The following ADSL variants were observed in gnomAD, a reference collection of about 807,000 sequenced individuals.
ADSL encodes adenylosuccinase.
A neutral mutation model predicts 62.1 loss-of-function variants in ADSL; 44 were observed. That is an observed-to-expected ratio of 0.71 (90% confidence interval 0.56 to 0.91). ADSL has a LOEUF of 0.91. Among genes scored for constraint, ADSL ranks in the 40% least tolerant of loss-of-function variants. The pLI is 0.00. For missense variants in ADSL, 531 were observed against 627.4 expected, an observed-to-expected ratio of 0.85 and a Z score of 1.64; for synonymous variants, 198 against 220.5, an observed-to-expected ratio of 0.90 and a Z score of 0.90.
At chr22:40,374,735 C>T (rs2046266528) in intron 2 of ADSL, among the ~76,000 whole-genome samples, 1 of 152,186 alleles carries the variant, frequency 6.6e-6, no homozygotes, top group Non-Finnish European at 1.5e-5. Context: ...CATAAAATTG[C>T]CAGTCATGGT....
chr22:40,352,910 A>G (rs2146633718), intron 2 of ADSL, among the ~76,000 whole-genome samples, 163 bp from the exon 3 acceptor site: 1 of 152,360 alleles, frequency 6.6e-6, no homozygotes, highest in South Asian at 2.1e-4. Flanking sequence ...AGTAATCAGG[A>G]AAGAACAACT....
intron 11 of ADSL, 59 bp from the exon 12 acceptor site, chr22:40,364,821 T>C (rs8142978): frequency 6.3e-7 from 1 of 1,574,958 alleles, no homozygotes; most frequent in Middle Eastern, 1.7e-4. Context: ...TGATGACTTT[T>C]TAAAAGTGTT....
At chr22:40,375,317 C>A (rs542601016) in intron 2 of ADSL, among the ~76,000 whole-genome samples, 1 of 152,202 alleles carries the variant, frequency 6.6e-6, no homozygotes, top group South Asian at 2.1e-4. Flanking sequence ...TGGTGGCTCA[C>A]GCCTGTAATC....
chr22:40,364,377 C>A lies in ADSL; in HGVS notation c.1191+12C>A. The A allele has an allele frequency of 6.2e-7, 1 of 1,611,806 alleles. No individual in the cohort carries two copies. The highest frequency in any genetic ancestry group is 8.5e-7 in the Non-Finnish European group (1 of 1,178,284). ...GAGGTAGCCGCCAGGTTTGTAACCC[C>A]TCATGTTCCTGGATAAGTTGAGAGT... On this transcript the variant is annotated intron_variant, in intron 11 of 12. Transcript: ENST00000623063.
chr22:40,371,033 G>A (rs1247480513), downstream of ADSL, among the ~76,000 whole-genome samples: 5 of 152,258 alleles, frequency 3.3e-5, no homozygotes, highest in Admixed American at 6.5e-5. Context: ...TGAGGCGGGG[G>A]GCTTTCTAAA....
At chr22:40,382,999 A>C (rs1334921026) in intron 2 of ADSL, among the ~76,000 whole-genome samples, 1 of 152,224 alleles carries the variant, frequency 6.6e-6, no homozygotes, top group Non-Finnish European at 1.5e-5. Context: ...ATACTATGGA[A>C]GGTTTATTTG....
chr22:40,346,833 G>T, intron 1 of ADSL, 122 bp downstream of exon 1: 1 of 1,082,610 alleles, frequency 9.2e-7, no homozygotes, highest in East Asian at 2.6e-5. Context: ...TTTCAGCTGG[G>T]TGTTCCCTGT....
chr22:40,386,999 A>C (rs2048572696), intron 2 of ADSL, among the ~76,000 whole-genome samples: 1 of 152,154 alleles, frequency 6.6e-6, no homozygotes, highest in Non-Finnish European at 1.5e-5. Flanking sequence ...ATGTCATCCC[A>C]AGTCAAGATA....
At chr22:40,365,503 G>C (rs1332405682) in intron 12 of ADSL, among the ~76,000 whole-genome samples, 1 of 152,190 alleles carries the variant, frequency 6.6e-6, no homozygotes, top group East Asian at 1.9e-4. Flanking sequence ...GTGTTGTAAT[G>C]ATTGAAATGC....
At chr22:40,358,287 T>A (rs970905980) in intron 4 of ADSL, among the ~76,000 whole-genome samples, 4 of 152,178 alleles carry the variant, frequency 2.6e-5, no homozygotes, top group African/African-American at 9.6e-5. Flanking sequence ...GCCCTTATAA[T>A]AAATTGTCTC....
At chr22:40,373,463 T>C (rs1304591818), downstream of ADSL, 1 of 152,212 alleles carries the variant, frequency 6.6e-6, no homozygotes, top group Admixed American at 6.5e-5. Context: ...CTCTCAACGA[T>C]TTATTGAATA....
chr22:40,372,488 T>C (rs1286448014), downstream of ADSL, among the ~76,000 whole-genome samples: 3 of 152,184 alleles, frequency 2.0e-5, no homozygotes, highest in African/African-American at 7.2e-5. Context: ...AGGTGTCTAT[T>C]GATCAGATAT....
downstream of ADSL, among the ~76,000 whole-genome samples, chr22:40,374,099 C>A (rs1186932918): frequency 1.3e-5 from 2 of 152,020 alleles, no homozygotes; most frequent in African/African-American, 4.8e-5. Context: ...ACTACAGGCG[C>A]CTGCCACCAT....
Position 40,346,500 on chromosome 22 carries a change from A to C in ADSL, c.-59A>C. On this transcript the variant is annotated 5_prime_UTR_variant, in exon 1 of 13. Transcript: ENST00000623063. ...CCCGCCCCGTCCTGCCCTGGCCTCC[A>C]GGTTTCCGCTTCCGCTCTTCCCTGG... 6.5e-7 allele frequency: 1 copy of C among 1,547,564 alleles called. No individual in the cohort carries two copies.
At chr22:40,363,665 G>T (rs760178499) in intron 10 of ADSL, among the ~76,000 whole-genome samples, 34 of 151,506 alleles carry the variant, frequency 2.2e-4, no homozygotes, top group Non-Finnish European at 4.1e-4. Flanking sequence ...GAACCCAGGA[G>T]GTGGAAGTTG....
At chr22:40,354,388 T>C in intron 4 of ADSL, 61 bp downstream of exon 4, 1 of 1,304,850 alleles carries the variant, frequency 7.7e-7, no homozygotes, top group Non-Finnish European at 1.1e-6. Flanking sequence ...TCTTGAGTTC[T>C]CTGTTTTCCA....
In ADSL at chr22:40,346,551, G is replaced by A. The variant is rs560389412; in HGVS notation, c.-8G>A. ...TCCAGTCCACCCTGGCGGGGTCGCA[G>A]GGTTGGGATGGCGGCTGGAGGCGAT... On this transcript the variant is annotated 5_prime_UTR_variant, in exon 1 of 13. Coordinates refer to ENST00000623063, the MANE Select transcript of ADSL (RefSeq NM_000026.4). 6.2e-7 allele frequency: 1 copy of A among 1,602,424 alleles called. No homozygotes were observed. Among genetic ancestry groups the A allele is most frequent in the South Asian group, 1.1e-5 (1 of 89,438 alleles).
chr22:40,366,913 G>T lies in ADSL; in HGVS notation c.*391G>T. ...GACTCAGTGATTGAGTCAATGGTCAGATACCTTTTATTTCGGTTATTTTTG... is the reference window on the plus strand; with the variant it reads ...GACTCAGTGATTGAGTCAATGGTCATATACCTTTTATTTCGGTTATTTTTG... On this transcript the variant is annotated 3_prime_UTR_variant, in exon 13 of 13. Coordinates refer to ENST00000623063, the MANE Select transcript of ADSL (RefSeq NM_000026.4). 2.4e-5 allele frequency: 5 copies of T among 206,902 alleles called. No individual in the cohort carries two copies. The South Asian group carries it at 3.7e-4, about 16-fold the overall frequency. 12.8% of individuals were successfully genotyped at this position (206,902 alleles called of 1,614,324 possible). A position where few individuals can be genotyped will look rare whatever the true frequency, so the allele number is the denominator to read the frequency against.
At chr22:40,351,950 G>GCCT (rs1454849128) in intron 2 of ADSL, 1 of 152,116 alleles carries the variant, frequency 6.6e-6, no homozygotes, top group African/African-American at 2.4e-5. Context: ...ACTGCCCCTG[G>GCCT]CCTCCAAATG....
Sources: allele counts gnomAD v4.1 joint callset (sites outside exome capture counted in the v4.1 genomes callset), GRCh38; gene constraint gnomAD v4.1.1; transcripts MANE v1.5; gene names NCBI Gene and HGNC (gene_info 2026-07-23, HGNC 2026-07-21).